PCDHA3: variants seen among roughly 807,000 people sequenced by gnomAD.
PCDHA3 encodes the protein protocadherin alpha 3.
A neutral mutation model predicts 62.2 loss-of-function variants in PCDHA3; 41 were observed. The ratio of observed to expected loss-of-function variants is 0.66; its 90% confidence interval spans 0.51 to 0.86. The LOEUF (loss-of-function observed/expected upper bound fraction) is 0.86, where lower values mean the gene tolerates loss of function less well. PCDHA3 is among the 40% of genes least tolerant of loss of function. The pLI is 0.00. For synonymous variants in PCDHA3, 640 were observed against 555.4 expected, an observed-to-expected ratio of 1.15 and a Z score of -2.14; for missense variants, 1,304 against 1,241.2, an observed-to-expected ratio of 1.05 and a Z score of -0.76.
chr5:140,956,904 G>A lies in PCDHA3; in HGVS notation c.2395-22045G>A, dbSNP rs182022057. ...TATCAATGAATGAATATTCTTAAAT[G>A]TATAAACTTTAATCTTGCTGGATAT... On this transcript the variant is annotated intron_variant, in intron 1 of 3. Transcript: ENST00000522353. Among the ~76,000 whole-genome samples, 178 of 152,232 alleles carry A rather than the reference G, an allele frequency of 1.2e-3. 1 individual carries two copies. Among genetic ancestry groups the A allele is most frequent in the African/African-American group, 3.9e-3 (163 of 41,538 alleles).
At chr5:140,828,644 A>C in intron 1 of PCDHA3, 1 of 1,614,210 alleles carries the variant, frequency 6.2e-7, no homozygotes, top group Non-Finnish European at 8.5e-7. Flanking sequence ...TGTGAAAATA[A>C]ACAGTGATGA....
intron 1 of PCDHA3, among the ~76,000 whole-genome samples, chr5:140,933,543 A>C (rs888580290): frequency 6.6e-6 from 1 of 152,092 alleles, no homozygotes; most frequent in Non-Finnish European, 1.5e-5. Flanking sequence ...AATAATGTTA[A>C]TATAAAATAA....
At chr5:141,006,423 C>T (rs1554260738) in intron 3 of PCDHA3, among the ~76,000 whole-genome samples, 1 of 152,060 alleles carries the variant, frequency 6.6e-6, no homozygotes, top group African/African-American at 2.4e-5. Context: ...CTGTGTTAGC[C>T]AGGATGGTCT....
chr5:140,803,240 G>C lies in PCDHA3; in HGVS notation c.2043G>C (p.Gln681His). 3.1e-6 allele frequency: 5 copies of C among 1,613,800 alleles called. No individual in the cohort carries two copies. Among genetic ancestry groups the C allele is most frequent in the Non-Finnish European group, 4.2e-6 (5 of 1,179,942 alleles). ...GCCAGGCACCCAAGGCCTCGTCCCA[G>C]GCGTCCGCTGGCGCCACGGGCCCGG... ...ESGQAPKASS[Q>H]ASAGATGPEA... Residue 681 changes from glutamine to histidine, a missense_variant, in exon 1 of 4, where the codon CAG becomes CAC. Gln to His is a conservative substitution (Grantham distance 24). Transcript: ENST00000522353.
At chr5:140,877,536 T>A (rs1402880820) in intron 1 of PCDHA3, 1 of 1,613,730 alleles carries the variant, frequency 6.2e-7, no homozygotes, top group Non-Finnish European at 8.5e-7. Flanking sequence ...GCGCTGTGGA[T>A]CCCGAAGCGG....
At chr5:140,902,103 A>AT (rs1435105079) in intron 1 of PCDHA3, among the ~76,000 whole-genome samples, 1 of 151,172 alleles carries the variant, frequency 6.6e-6, no homozygotes, top group Non-Finnish European at 1.5e-5. Context: ...GAGTCTTTAG[A>AT]TTTTTTTAAA....
At chr5:140,869,729 A>G (rs1554163384) in intron 1 of PCDHA3, 3 of 1,613,398 alleles carry the variant, frequency 1.9e-6, no homozygotes, top group Admixed American at 3.3e-5. Flanking sequence ...CCGGAACTTA[A>G]TTTGCTGCTA....
At position 140,868,760 on chromosome 5, in the gene PCDHA3, T is replaced by A. The variant is rs554040026; in HGVS notation, c.2394+65169T>A. On this transcript the variant is annotated intron_variant, in intron 1 of 3. Transcript: ENST00000522353. ...AATACAATGCCATTTCCATATATATTTAGTTTCAATATGACTTATAATCTG... is the reference window on the plus strand; with the variant it reads ...AATACAATGCCATTTCCATATATATATAGTTTCAATATGACTTATAATCTG... The A allele has an allele frequency of 3.0e-3, 699 of 232,214 alleles. 6 individuals carry two copies. The highest frequency in any genetic ancestry group is 0.014 in the African/African-American group (640 of 44,274). The allele number at this position is 232,214 out of a possible 1,614,324, so 14.4% of individuals were successfully genotyped here.
chr5:140,928,012 A>G (rs2084863036), intron 1 of PCDHA3: 2 of 1,614,190 alleles, frequency 1.2e-6, no homozygotes, highest in African/African-American at 2.7e-5. Context: ...TTCTAATGGT[A>G]GGGTCATTTG....
intron 1 of PCDHA3, among the ~76,000 whole-genome samples, chr5:140,903,652 T>C (rs1304934693): frequency 6.6e-6 from 1 of 152,234 alleles, no homozygotes; most frequent in Non-Finnish European, 1.5e-5. Context: ...ATACATATAT[T>C]ATAAATTTAA....
intron 1 of PCDHA3, chr5:140,811,442 T>TATTGTGA (rs1436350910): frequency 1.3e-5 from 2 of 152,262 alleles, no homozygotes; most frequent in Admixed American, 1.3e-4. Context: ...AAGTCTTTGC[T>TATTGTGA]ATTGTGAATA....
intron 3 of PCDHA3, among the ~76,000 whole-genome samples, chr5:141,007,395 C>CAAAAAAAAA (rs35800918): frequency 8.4e-5 from 8 of 94,856 alleles, no homozygotes; most frequent in East Asian, 2.9e-4. Context: ...TACTAAAATA[C>CAAAAAAAAA]AAAAAAAAAA....
intron 1 of PCDHA3, among the ~76,000 whole-genome samples, chr5:140,888,286 C>T (rs1277980750): frequency 6.6e-6 from 1 of 152,080 alleles, no homozygotes; most frequent in African/African-American, 2.4e-5. Context: ...TCCCCTCTAC[C>T]CCCTACCCAG....
intron 1 of PCDHA3, chr5:140,883,872 T>A (rs1554180376): frequency 1.2e-6 from 2 of 1,612,996 alleles, no homozygotes; most frequent in African/African-American, 1.3e-5. Flanking sequence ...CAGTTCCAGG[T>A]GAGCGCGCGC....
intron 1 of PCDHA3, chr5:140,835,530 G>A (rs140697336): frequency 4.3e-6 from 7 of 1,613,820 alleles, no homozygotes; most frequent in Admixed American, 1.7e-5. Flanking sequence ...TGGAGTCAAC[G>A]GACAGGTTAC....
chr5:140,969,354 T>G, intron 1 of PCDHA3: 1 of 1,612,552 alleles, frequency 6.2e-7, no homozygotes. Context: ...TCAGGGGGTC[T>G]TCTACAAACT....
rs191365735 is a variant in PCDHA3 at position 140,910,066 on chromosome 5, C to T, written c.2395-68883C>T. Among the ~76,000 whole-genome samples the T allele has an allele frequency of 7.2e-5, 11 of 152,234 alleles. No individual in the cohort carries two copies. In the East Asian group the frequency reaches 1.5e-3, roughly 21 times the overall value. On this transcript the variant is annotated intron_variant, in intron 1 of 3. Coordinates refer to ENST00000522353, the MANE Select transcript of PCDHA3 (RefSeq NM_018906.3). ...GTCATAATAAGTGATCTTTTAACAG[C>T]GTAAATTGTTGTCAAGGGGAACCAG...
chr5:140,836,968 T>A, intron 1 of PCDHA3: 1 of 385,792 alleles, frequency 2.6e-6, no homozygotes, highest in South Asian at 6.2e-5. Flanking sequence ...TTGGCTACTC[T>A]CCATTTTTGG....
chr5:140,906,194 A>C (rs543979654), intron 1 of PCDHA3, among the ~76,000 whole-genome samples: 6 of 152,288 alleles, frequency 3.9e-5, no homozygotes, highest in African/African-American at 1.2e-4. Context: ...AATCCAATCA[A>C]GTTGACACTC....
Sources: allele counts gnomAD v4.1 joint callset (sites outside exome capture counted in the v4.1 genomes callset), GRCh38; gene constraint gnomAD v4.1.1; transcripts MANE v1.5; gene names NCBI Gene and HGNC (gene_info 2026-07-23, HGNC 2026-07-21).